Variants in NRXN3 observed in about 807,000 individuals in gnomAD.
NRXN3 encodes neurexin III.
In NRXN3, 32 loss-of-function variants were observed where a neutral mutation model predicts 137.6. The ratio of observed to expected loss-of-function variants is 0.23; its 90% CI spans 0.18 to 0.31. The LOEUF is 0.31. Among genes scored for constraint, NRXN3 ranks in the 10% least tolerant of loss-of-function variants. The probability of loss-of-function intolerance (pLI) is 1.00; values close to 1 mark genes in which losing one functional copy is unlikely to be tolerated. For synonymous variants in NRXN3, 798 were observed against 784.5 expected (o/e 1.02, Z -0.29); for missense variants, 1,574 against 2,062.5 (o/e 0.76, Z 4.59).
chr14:78,784,295 G>T (rs2098781483), intron 8 of NRXN3, among the ~76,000 whole-genome samples: 1 of 152,122 alleles, frequency 6.6e-6, no homozygotes, highest in African/African-American at 2.4e-5. Context: ...AAACAGGGTG[G>T]CTGAATGCCC....
intron 19 of NRXN3, among the ~76,000 whole-genome samples, chr14:79,756,792 C>T (rs1292548222): frequency 6.6e-6 from 1 of 152,154 alleles, no homozygotes; most frequent in South Asian, 2.1e-4. Flanking sequence ...TATAAGCCCA[C>T]TCACCCAGGA....
At chr14:78,183,488 A>G (rs2059986212) in intron 1 of NRXN3, among the ~76,000 whole-genome samples, 1 of 152,194 alleles carries the variant, frequency 6.6e-6, no homozygotes, top group South Asian at 2.1e-4. Context: ...AGCCAGGAGA[A>G]GGAGGCAAGA....
At chr14:79,405,382 T>G (rs1054284615) in intron 15 of NRXN3, among the ~76,000 whole-genome samples, 44 of 152,120 alleles carry the variant, frequency 2.9e-4, no homozygotes, top group African/African-American at 1.0e-3. Context: ...AAGGGTAAGA[T>G]AGTCTGGAGA....
intron 8 of NRXN3, among the ~76,000 whole-genome samples, chr14:78,781,176 G>A (rs2098767972): frequency 6.6e-6 from 1 of 152,116 alleles, no homozygotes; most frequent in African/African-American, 2.4e-5. Flanking sequence ...TATGCAAACT[G>A]ATACTATTTA....
intron 4 of NRXN3, among the ~76,000 whole-genome samples, chr14:78,307,484 G>A (rs1481027365): frequency 6.6e-6 from 1 of 152,122 alleles, no homozygotes; most frequent in Non-Finnish European, 1.5e-5. Flanking sequence ...CCCAGGCAGT[G>A]TGGTTTTTCA....
chr14:78,365,654 A>T (rs1422997407), intron 4 of NRXN3, among the ~76,000 whole-genome samples: 1 of 152,220 alleles, frequency 6.6e-6, no homozygotes, highest in Non-Finnish European at 1.5e-5. Context: ...AGTCTTGATC[A>T]GAGTGGAAGA....
chr14:79,737,696 G>T (rs1291195318), intron 19 of NRXN3, among the ~76,000 whole-genome samples: 1 of 151,204 alleles, frequency 6.6e-6, no homozygotes, highest in African/African-American at 2.4e-5. Flanking sequence ...AAATCCATAT[G>T]TCACATCATG....
At chr14:79,638,255 G>T (rs777524958) in intron 16 of NRXN3, among the ~76,000 whole-genome samples, 20 of 152,008 alleles carry the variant, frequency 1.3e-4, no homozygotes, top group Non-Finnish European at 2.4e-4. Context: ...CCTTTCCTTT[G>T]TTGTTGTTTT....
At chr14:78,990,515 G>A (rs1023824336) in intron 15 of NRXN3, among the ~76,000 whole-genome samples, 1 of 151,928 alleles carries the variant, frequency 6.6e-6, no homozygotes, top group African/African-American at 2.4e-5. Context: ...GGGATTACAG[G>A]TGCCTGCCAC....
intron 4 of NRXN3, among the ~76,000 whole-genome samples, chr14:78,351,095 C>T (rs1055956101): frequency 6.6e-6 from 1 of 152,170 alleles, no homozygotes; most frequent in African/African-American, 2.4e-5. Flanking sequence ...ATGTTAGTCT[C>T]ATAGTTAAGT....
intron 8 of NRXN3, among the ~76,000 whole-genome samples, chr14:78,757,225 T>C (rs557176639): frequency 7.2e-5 from 11 of 152,138 alleles, no homozygotes; most frequent in African/African-American, 2.2e-4. Flanking sequence ...CTAGGTAACA[T>C]GGTTAAACCC....
At chr14:79,279,219 G>A (rs373289309) in intron 15 of NRXN3, 243 of 378,324 alleles carry the variant, frequency 6.4e-4, no homozygotes, top group African/African-American at 4.3e-3. Context: ...ACGAGCCTGT[G>A]CTTGAATGGG....
In NRXN3 at chr14:79,362,622, A is replaced by G. The variant is rs146189840; in HGVS notation, c.3263-104599A>G. On this transcript the variant is annotated intron_variant, in intron 15 of 20. Coordinates refer to ENST00000335750, the MANE Select transcript of NRXN3 (RefSeq NM_001330195.2). The stretch of plus-strand genomic sequence containing the variant: ...ATTGGAACCTATGTTTCATAGAAAC[A>G]TGATTCTTAGAAATGATCTTTACAC... 1.7e-3 allele frequency among the ~76,000 whole-genome samples: 262 copies of G among 152,356 alleles called. 1 individual carries two copies. The highest frequency in any genetic ancestry group is 6.0e-3 in the African/African-American group (250 of 41,582).
chr14:79,061,294 A>G (rs1209089531), intron 15 of NRXN3, among the ~76,000 whole-genome samples: 2 of 152,216 alleles, frequency 1.3e-5, no homozygotes, highest in East Asian at 3.9e-4. Context: ...TGTAATGGTA[A>G]TTCATGCTAC....
At chr14:78,734,670 G>A (rs1413347895) in intron 8 of NRXN3, among the ~76,000 whole-genome samples, 1 of 152,224 alleles carries the variant, frequency 6.6e-6, no homozygotes, top group African/African-American at 2.4e-5. Flanking sequence ...CAGAGGGAAT[G>A]ATGCTTGACT....
chr14:78,797,520 A>G (rs1358534922), intron 8 of NRXN3, among the ~76,000 whole-genome samples: 2 of 152,230 alleles, frequency 1.3e-5, no homozygotes, highest in Non-Finnish European at 2.9e-5. Flanking sequence ...CATCAAGTAG[A>G]TAATAAAATA....
intron 14 of NRXN3, among the ~76,000 whole-genome samples, chr14:78,983,477 G>T (rs954049079): frequency 6.6e-6 from 1 of 152,102 alleles, no homozygotes; most frequent in Non-Finnish European, 1.5e-5. Flanking sequence ...TTTGATTGGG[G>T]TATTTGTTTT....
chr14:79,351,035 A>G (rs529505550), intron 15 of NRXN3, among the ~76,000 whole-genome samples: 13 of 152,338 alleles, frequency 8.5e-5, no homozygotes, highest in African/African-American at 3.1e-4. Context: ...ATAGCAGTAT[A>G]TGCTAGAGGC....
chr14:78,711,342 C>A (rs745800178), intron 7 of NRXN3, among the ~76,000 whole-genome samples: 1 of 151,542 alleles, frequency 6.6e-6, no homozygotes, highest in South Asian at 2.1e-4. Flanking sequence ...GTTGTTTAAA[C>A]CACCAGTGGA....
Sources: allele counts gnomAD v4.1 joint callset (sites outside exome capture counted in the v4.1 genomes callset), GRCh38; gene constraint gnomAD v4.1.1; transcripts MANE v1.5; gene names NCBI Gene and HGNC (gene_info 2026-07-23, HGNC 2026-07-21).